Variants in ABTB2 observed in about 807,000 individuals in gnomAD.
ABTB2 encodes the protein ankyrin repeat and BTB domain containing 2.
In ABTB2, 56 loss-of-function variants were observed where a neutral mutation model predicts 104.1. That is an observed-to-expected ratio of 0.54 (90% CI 0.43 to 0.67). ABTB2 has a LOEUF of 0.67. Among genes scored for constraint, ABTB2 ranks in the 30% least tolerant of loss-of-function variants. ABTB2 has a pLI of 0.00. For synonymous variants in ABTB2, 606 were observed against 608.2 expected (o/e 1.00, Z 0.05); for missense variants, 1,279 against 1,407.7 (o/e 0.91, Z 1.46).
intron 2 of ABTB2, among the ~76,000 whole-genome samples, chr11:34,198,268 T>C (rs1853288038): frequency 6.6e-6 from 1 of 151,828 alleles, no homozygotes; most frequent in South Asian, 2.1e-4. Context: ...CTACTTAAAA[T>C]ACAAAAAATA....
At position 34,357,239 on chromosome 11, in the gene ABTB2, C is replaced by G; in HGVS notation, c.345G>C (p.Arg115=). ...CCTCGGCGGAGAACTGGGGCAGCCG[C>G]CGGCCGCCAGCGCCTTTGCGGAGCA... ...ARVLRKGAGG[R]RLPQFSAEAV... is the part of the protein sequence containing the mutation. The change falls in exon 1 of 17, where the codon CGG becomes CGC. Residue 115 remains arginine (R), a synonymous_variant. Transcript: ENST00000435224. The G allele has an allele frequency of 6.7e-7, 1 of 1,500,448 alleles. No homozygotes were observed. The highest frequency in any genetic ancestry group is 2.2e-5 in the Admixed American group (1 of 44,980). The allele number at this position is 1,500,448 out of a possible 1,614,324, so 92.9% of individuals were successfully genotyped here.
intron 3 of ABTB2, among the ~76,000 whole-genome samples, chr11:34,193,694 A>T (rs558958789): frequency 1.3e-5 from 2 of 152,348 alleles, no homozygotes; most frequent in South Asian, 4.1e-4. Flanking sequence ...ACTTTGTCCT[A>T]CCGGATAGAA....
intron 1 of ABTB2, among the ~76,000 whole-genome samples, chr11:34,249,171 G>A (rs1236274301): frequency 6.6e-6 from 1 of 152,208 alleles, no homozygotes; most frequent in Non-Finnish European, 1.5e-5. Context: ...ACATGAATTT[G>A]CAAGTGGTCA....
chr11:34,246,744 A>C (rs547907420), intron 1 of ABTB2, among the ~76,000 whole-genome samples: 3 of 151,798 alleles, frequency 2.0e-5, no homozygotes, highest in Non-Finnish European at 4.4e-5. Context: ...GGTTTTTTCC[A>C]AAGTTCATAC....
chr11:34,234,481 G>C (rs962654085), intron 1 of ABTB2, among the ~76,000 whole-genome samples: 5 of 152,108 alleles, frequency 3.3e-5, no homozygotes, highest in Non-Finnish European at 7.4e-5. Flanking sequence ...TCACACCCAG[G>C]GTCCCAGGGT....
In ABTB2 at chr11:34,244,872, G is replaced by A. The variant is rs1590228348; in HGVS notation, c.884-40182C>T. ...AAAATACAAAAATTAGCCAGGCTTG[G>A]TAGTGTGTGCCTGTGGTTCCAGCTA... On this transcript the variant is annotated intron_variant, in intron 1 of 16. Coordinates refer to ENST00000435224, the MANE Select transcript of ABTB2 (RefSeq NM_145804.3). Among the ~76,000 whole-genome samples the A allele has an allele frequency of 2.0e-5, 3 of 152,118 alleles. No individual in the cohort carries two copies. The South Asian group carries it at 6.2e-4, about 32-fold the overall frequency.
At chr11:34,340,902 T>C (rs1157901019) in intron 1 of ABTB2, among the ~76,000 whole-genome samples, 1 of 152,092 alleles carries the variant, frequency 6.6e-6, no homozygotes, top group Non-Finnish European at 1.5e-5. Context: ...AAGAAGCCAG[T>C]CAACAAGCTC....
chr11:34,219,759 C>T (rs1204283236), intron 1 of ABTB2, among the ~76,000 whole-genome samples: 2 of 152,138 alleles, frequency 1.3e-5, no homozygotes, highest in Non-Finnish European at 2.9e-5. Flanking sequence ...GTGTAGGAAG[C>T]TATACCATCT....
At chr11:34,350,573 G>A (rs540384802) in intron 1 of ABTB2, among the ~76,000 whole-genome samples, 1 of 152,326 alleles carries the variant, frequency 6.6e-6, no homozygotes, top group South Asian at 2.1e-4. Context: ...GAGCCAGCAA[G>A]CAGCATTTAA....
rs573040710 is a variant in ABTB2, at chr11:34,189,081, C to T, written c.1244+8244G>A. 4 of 152,322 alleles carry T rather than the reference C, an allele frequency of 2.6e-5. No homozygotes were observed. In the South Asian group the frequency reaches 8.3e-4, roughly 32 times the overall value. The allele number at this position is 152,322 out of a possible 1,614,324, so 9.4% of individuals were successfully genotyped here. A position where few individuals can be genotyped will look rare whatever the true frequency, so the allele number is the denominator to read the frequency against. ...ATCCCACAGCGGCTCAGAGGATGCACTTCTTTTTCCACTGGGAAACCACTG... is the reference window on the plus strand; with the variant it reads ...ATCCCACAGCGGCTCAGAGGATGCATTTCTTTTTCCACTGGGAAACCACTG... On this transcript the variant is annotated intron_variant, in intron 3 of 16. Transcript: ENST00000435224.
intron 1 of ABTB2, among the ~76,000 whole-genome samples, chr11:34,239,543 C>G (rs557229560): frequency 6.6e-6 from 1 of 152,164 alleles, no homozygotes; most frequent in African/African-American, 2.4e-5. Context: ...GTTGCCCAGA[C>G]TGGTCTCGAA....
intron 1 of ABTB2, among the ~76,000 whole-genome samples, chr11:34,314,761 G>C (rs1193536311): frequency 6.6e-6 from 1 of 152,176 alleles, no homozygotes. Context: ...AATGAAAATG[G>C]GAGGCTCCTT....
intron 1 of ABTB2, among the ~76,000 whole-genome samples, chr11:34,348,805 C>T (rs572739341): frequency 2.6e-5 from 4 of 152,182 alleles, no homozygotes; most frequent in Admixed American, 1.3e-4. Flanking sequence ...TGGAGTCTAT[C>T]GCCATTGCTC....
In ABTB2 at chr11:34,285,205, C is replaced by A. The variant is rs568559635; in HGVS notation, c.883+71496G>T. 1.1e-3 allele frequency among the ~76,000 whole-genome samples: 161 copies of A among 152,038 alleles called. 1 individual carries two copies. The highest frequency in any genetic ancestry group is 2.1e-3 in the Non-Finnish European group (141 of 67,958). On this transcript the variant is annotated intron_variant, in intron 1 of 16. Coordinates refer to ENST00000435224, the MANE Select transcript of ABTB2 (RefSeq NM_145804.3). ...CCGAGGGGACCGGTGGGGAGGGGGA[C>A]ATTTGCTGTACAAGTGGACAGTGGG...
intron 1 of ABTB2, among the ~76,000 whole-genome samples, chr11:34,339,097 A>G (rs1460650619): frequency 6.6e-6 from 1 of 152,220 alleles, no homozygotes; most frequent in Admixed American, 6.5e-5. Context: ...GTTTAGTCAC[A>G]TCATCCCTGG....
chr11:34,244,281 T>C (rs1241280326), intron 1 of ABTB2, among the ~76,000 whole-genome samples: 1 of 152,098 alleles, frequency 6.6e-6, no homozygotes, highest in East Asian at 1.9e-4. Context: ...GAAGGCAATC[T>C]ATCAGGACTC....
intron 4 of ABTB2, among the ~76,000 whole-genome samples, chr11:34,172,398 ATATAT>A (rs1852889868): frequency 3.3e-5 from 1 of 30,062 alleles, no homozygotes; most frequent in African/African-American, 1.1e-4. Context: ...AAAAAAAAAT[ATATAT>A]ATATATATAT....
At chr11:34,189,580 GAC>G (rs1312625622) in intron 3 of ABTB2, among the ~76,000 whole-genome samples, 5 of 152,358 alleles carry the variant, frequency 3.3e-5, no homozygotes, top group Middle Eastern at 3.4e-3. Context: ...CACCCTGGGT[GAC>G]AGAGTGAGAC....
chr11:34,260,146 G>C (rs2133074110), intron 1 of ABTB2, among the ~76,000 whole-genome samples: 1 of 152,244 alleles, frequency 6.6e-6, no homozygotes, highest in South Asian at 2.1e-4. Flanking sequence ...TGTAAAGTAA[G>C]GCTCTGGAAT....
Sources: allele counts gnomAD v4.1 joint callset (sites outside exome capture counted in the v4.1 genomes callset), GRCh38; gene constraint gnomAD v4.1.1; transcripts MANE v1.5; gene names NCBI Gene and HGNC (gene_info 2026-07-23, HGNC 2026-07-21).